Variants in EPC2 observed in about 807,000 individuals in gnomAD.
EPC2 encodes the protein enhancer of polycomb homolog 2.
EPC2 carries 14 observed loss-of-function variants against 92.1 expected under a neutral mutation model. The observed-to-expected ratio is 0.15, with a 90% CI of 0.10 to 0.24. The LOEUF (loss-of-function observed/expected upper bound fraction) is 0.24. Among genes scored for constraint, EPC2 ranks in the 10% least tolerant of loss-of-function variants. The probability of loss-of-function intolerance (pLI) is 1.00; values close to 1 mark genes in which losing one functional copy is unlikely to be tolerated. For synonymous variants in EPC2, 340 were observed against 334.7 expected, an observed-to-expected ratio of 1.02 and a Z score of -0.17; for missense variants, 755 against 971.5, an observed-to-expected ratio of 0.78 and a Z score of 2.96.
At chr2:148,716,015 C>T (rs1404653646) in intron 2 of EPC2, among the ~76,000 whole-genome samples, 1 of 152,054 alleles carries the variant, frequency 6.6e-6, no homozygotes, top group Non-Finnish European at 1.5e-5. Flanking sequence ...CGTGATTTGG[C>T]TCTCTGATTG....
chr2:148,772,485 T>C (rs1283982766), intron 10 of EPC2, among the ~76,000 whole-genome samples: 1 of 152,228 alleles, frequency 6.6e-6, no homozygotes, highest in Admixed American at 6.5e-5. Flanking sequence ...TAAATCACTT[T>C]AGCTTGAAAT....
intron 11 of EPC2, among the ~76,000 whole-genome samples, chr2:148,782,544 AAC>A (rs61271318): frequency 0.054 from 6,293 of 115,870 alleles, 146 homozygotes; most frequent in East Asian, 0.1. Flanking sequence ...CTCCAAAAAA[AAC>A]AAAAAAAATT....
chr2:148,749,324 C>T (rs1370208546), intron 3 of EPC2, among the ~76,000 whole-genome samples: 1 of 152,134 alleles, frequency 6.6e-6, no homozygotes, highest in Non-Finnish European at 1.5e-5. Context: ...TTCACCAGTA[C>T]TTCTGAAGGT....
chr2:148,778,139 T>C (rs1413787698), intron 10 of EPC2, among the ~76,000 whole-genome samples: 2 of 152,242 alleles, frequency 1.3e-5, no homozygotes, highest in African/African-American at 4.8e-5. Context: ...TTATGGTTAC[T>C]TTTAAATTGA....
At chr2:148,687,081 A>G (rs1394452454) in intron 1 of EPC2, among the ~76,000 whole-genome samples, 1 of 152,220 alleles carries the variant, frequency 6.6e-6, no homozygotes, top group Non-Finnish European at 1.5e-5. Flanking sequence ...CACCTTCATC[A>G]GTGATCTTAA....
At position 148,738,941 on chromosome 2, in the gene EPC2, C is replaced by G. The variant is rs148697797; in HGVS notation, c.314-4681C>G. Among the ~76,000 whole-genome samples, 59 of 152,228 alleles carry G rather than the reference C, an allele frequency of 3.9e-4. No individual in the cohort carries two copies. In the East Asian group the frequency reaches 9.7e-3, roughly 25 times the overall value. ...GTTGGTCACTGAGAGAGCAGGTCTC[C>G]CCCTAATAGGAGCAGAGTCAGCCCC... On this transcript the variant is annotated intron_variant, in intron 2 of 13. Transcript: ENST00000258484.
intron 2 of EPC2, among the ~76,000 whole-genome samples, chr2:148,721,890 C>CTTTTTTTTTTTTTTT: frequency 3.8e-4 from 23 of 60,764 alleles, no homozygotes; most frequent in East Asian, 1.4e-3. Context: ...GTTTTGATTT[C>CTTTTTTTTTTTTTTT]TTTTTTTTTT....
chr2:148,645,297 C>A, intron 1 of EPC2, 127 bp downstream of exon 1: 1 of 842,324 alleles, frequency 1.2e-6, no homozygotes, highest in Non-Finnish European at 1.8e-6. Context: ...ACGCACGGGA[C>A]TCTACGCCGG....
chr2:148,685,746 G>A (rs1462615178), intron 1 of EPC2, among the ~76,000 whole-genome samples: 4 of 152,150 alleles, frequency 2.6e-5, no homozygotes, highest in East Asian at 1.9e-4. Context: ...TAGCCTGGGC[G>A]ACAGAGTGAG....
chr2:148,738,946 A>G (rs1425226543), intron 2 of EPC2, among the ~76,000 whole-genome samples: 1 of 152,168 alleles, frequency 6.6e-6, no homozygotes, highest in Non-Finnish European at 1.5e-5. Flanking sequence ...GTCTCCCCCT[A>G]ATAGGAGCAG....
chr2:148,692,250 G>T, intron 2 of EPC2: 1 of 167,836 alleles, frequency 6.0e-6, no homozygotes. Flanking sequence ...CACTCTACCT[G>T]TCTTCTTTGC....
intron 10 of EPC2, among the ~76,000 whole-genome samples, chr2:148,774,388 A>G (rs1179685015): frequency 6.6e-6 from 1 of 151,840 alleles, no homozygotes; most frequent in African/African-American, 2.4e-5. Context: ...GCATTTTGGG[A>G]GGCTGAGGCA....
intron 7 of EPC2, among the ~76,000 whole-genome samples, chr2:148,768,643 T>C (rs1448567606): frequency 6.6e-6 from 1 of 152,236 alleles, no homozygotes; most frequent in African/African-American, 2.4e-5. Context: ...GATACAAGAC[T>C]TTCCTTTGAA....
At chr2:148,754,766 T>A (rs1683151658) in intron 4 of EPC2, among the ~76,000 whole-genome samples, 1 of 152,222 alleles carries the variant, frequency 6.6e-6, no homozygotes, top group Admixed American at 6.5e-5. Flanking sequence ...ATTGATGAGC[T>A]TGTTCCCATC....
chr2:148,649,477 A>G (rs1680618669), intron 1 of EPC2, among the ~76,000 whole-genome samples: 1 of 152,212 alleles, frequency 6.6e-6, no homozygotes, highest in South Asian at 2.1e-4. Context: ...GTTCCGTACG[A>G]TGCATTTAAG....
chr2:148,690,735 T>A (rs951607235), intron 2 of EPC2, among the ~76,000 whole-genome samples: 3 of 152,146 alleles, frequency 2.0e-5, no homozygotes, highest in Admixed American at 1.3e-4. Flanking sequence ...TGATCTTGGC[T>A]CACTGCAACC....
At chr2:148,677,656 TA>T (rs1006957980) in intron 1 of EPC2, among the ~76,000 whole-genome samples, 19 of 152,298 alleles carry the variant, frequency 1.2e-4, no homozygotes, top group African/African-American at 4.6e-4. Context: ...CGGTGAGTGT[TA>T]CAGTTCTTAA....
chr2:148,778,502 G>C (rs908642312), intron 10 of EPC2, among the ~76,000 whole-genome samples: 1 of 152,134 alleles, frequency 6.6e-6, no homozygotes, highest in Non-Finnish European at 1.5e-5. Context: ...AGTAGAGAAA[G>C]TGCTTTCAAT....
At position 148,732,255 on chromosome 2, in the gene EPC2, C is replaced by G. The variant is rs1490562897; in HGVS notation, c.314-11367C>G. Among the ~76,000 whole-genome samples the G allele has an allele frequency of 3.9e-5, 6 of 152,132 alleles. No individual in the cohort carries two copies. The South Asian group carries it at 8.3e-4, about 21-fold the overall frequency. Reference sequence around the variant, plus strand: ...GGTTCCTTTCCCAGAGAGGTGCACCCGCGGTCTTGCACAGCTCTTAGCTAG... The same window carrying G: ...GGTTCCTTTCCCAGAGAGGTGCACCGGCGGTCTTGCACAGCTCTTAGCTAG... On this transcript the variant is annotated intron_variant, in intron 2 of 13. Coordinates refer to ENST00000258484, the MANE Select transcript of EPC2 (RefSeq NM_015630.4).
Sources: gnomAD v4.1 joint callset for allele counts (sites outside exome capture counted in the v4.1 genomes callset) on GRCh38, gnomAD v4.1.1 for gene constraint, MANE v1.5 for transcripts, NCBI Gene and HGNC (gene_info 2026-07-23, HGNC 2026-07-21) for gene names.